The following OPHN1 variants were observed in gnomAD, a reference collection of about 807,000 sequenced individuals.
OPHN1 encodes the protein oligophrenin-1.
In OPHN1, 11 loss-of-function variants were observed where a neutral mutation model predicts 60.7. The observed-to-expected ratio is 0.18, with a 90% CI of 0.11 to 0.30. OPHN1 has a LOEUF of 0.30. Ranked by LOEUF, OPHN1 falls within the 10% of genes least tolerant of loss-of-function variation. The probability of loss-of-function intolerance (pLI) is 1.00; values close to 1 mark genes in which losing one functional copy is unlikely to be tolerated. For synonymous variants in OPHN1, 226 were observed against 222.6 expected (o/e 1.02, Z -0.14); for missense variants, 449 against 611.0 (o/e 0.73, Z 2.80).
chrX:68,242,214 C>CAAAAA (rs753856136), intron 5 of OPHN1, among the ~76,000 whole-genome samples: 3 of 23,974 alleles, frequency 1.3e-4, no homozygotes, highest in Non-Finnish European at 1.8e-4. Flanking sequence ...CCCATCTCTA[C>CAAAAA]AAAAAAAAAA....
intron 5 of OPHN1, among the ~76,000 whole-genome samples, chrX:68,248,357 T>C (rs937111178): frequency 1.8e-5 from 2 of 110,849 alleles, no homozygotes; most frequent in African/African-American, 3.3e-5. Flanking sequence ...CTCAACATCA[T>C]TGATCAAAGC....
At chrX:68,419,926 T>C (rs1465389624) in intron 2 of OPHN1, among the ~76,000 whole-genome samples, 1 of 111,327 alleles carries the variant, frequency 9.0e-6, no homozygotes, top group Non-Finnish European at 1.9e-5. Flanking sequence ...ATCACCAATA[T>C]GCATCTTCCC....
intron 2 of OPHN1, among the ~76,000 whole-genome samples, chrX:68,428,720 T>G (rs1172440165): frequency 8.9e-6 from 1 of 112,343 alleles, no homozygotes; most frequent in Non-Finnish European, 1.9e-5. Flanking sequence ...TTCTGAATAA[T>G]GCCTAGCCTC....
At chrX:68,335,044 C>T (rs1416053419) in intron 2 of OPHN1, among the ~76,000 whole-genome samples, 1 of 109,584 alleles carries the variant, frequency 9.1e-6, no homozygotes, top group Admixed American at 1.0e-4. Flanking sequence ...TTGTACTTCC[C>T]TTGCTCACAA....
In OPHN1 at chrX:68,111,845, G is replaced by A. The variant is rs962239061; in HGVS notation, c.1526+9C>T. On this transcript the variant is annotated intron_variant, in intron 18 of 24. Coordinates refer to ENST00000355520, the MANE Select transcript of OPHN1 (RefSeq NM_002547.3). ...AGGAACTTTTTCTGAAAATCCAGCA[G>A]TTACTTACTTGACCAAGTGTCTTAT... 4.3e-5 allele frequency: 50 copies of A among 1,156,373 alleles called. No individual in the cohort carries two copies. Among genetic ancestry groups the A allele is most frequent in the Non-Finnish European group, 5.8e-5 (49 of 846,910 alleles).
chrX:68,291,307 T>C (rs1383900907), intron 3 of OPHN1, among the ~76,000 whole-genome samples: 1 of 112,099 alleles, frequency 8.9e-6, no homozygotes, highest in East Asian at 2.8e-4. Flanking sequence ...TGCCAAATGA[T>C]GCTCCTGAGA....
At chrX:68,167,924 C>T (rs1163998641) in intron 15 of OPHN1, among the ~76,000 whole-genome samples, 1 of 110,996 alleles carries the variant, frequency 9.0e-6, no homozygotes. Flanking sequence ...TCATTAGCTG[C>T]AACCTGGATG....
At chrX:68,124,403 A>C (rs2077161961) in intron 15 of OPHN1, among the ~76,000 whole-genome samples, 1 of 111,245 alleles carries the variant, frequency 9.0e-6, no homozygotes, top group Non-Finnish European at 1.9e-5. Flanking sequence ...CCAAACATAT[A>C]AATATTATTA....
At chrX:68,138,325 T>C (rs928558923) in intron 15 of OPHN1, among the ~76,000 whole-genome samples, 4 of 112,429 alleles carry the variant, frequency 3.6e-5, no homozygotes, top group Non-Finnish European at 5.6e-5. Flanking sequence ...ACATGTATAT[T>C]TCAAGGAAGA....
At chrX:68,091,614 T>C (rs1385524659) in intron 19 of OPHN1, among the ~76,000 whole-genome samples, 1 of 110,802 alleles carries the variant, frequency 9.0e-6, no homozygotes, top group Non-Finnish European at 1.9e-5. Context: ...CCCTTTCCAG[T>C]TCTAAAATTC....
At chrX:68,057,031 G>T (rs960333991) in intron 21 of OPHN1, among the ~76,000 whole-genome samples, 19 of 111,351 alleles carry the variant, frequency 1.7e-4, no homozygotes, top group Non-Finnish European at 3.0e-4. Context: ...TTCAACACTG[G>T]CCACAATCTT....
intron 15 of OPHN1, among the ~76,000 whole-genome samples, chrX:68,186,037 A>G (rs1053249931): frequency 9.0e-6 from 1 of 111,644 alleles, no homozygotes; most frequent in African/African-American, 3.3e-5. Flanking sequence ...CCAGTTGCCT[A>G]TACTGCTTCA....
intron 11 of OPHN1, among the ~76,000 whole-genome samples, chrX:68,198,072 G>A (rs1367317970): frequency 1.8e-5 from 2 of 110,858 alleles, no homozygotes; most frequent in Non-Finnish European, 3.8e-5. Context: ...ACACGGCTTC[G>A]AACCCTGTTT....
At chrX:68,195,867 G>C (rs2077510941) in intron 12 of OPHN1, among the ~76,000 whole-genome samples, 1 of 111,730 alleles carries the variant, frequency 9.0e-6, no homozygotes, top group Non-Finnish European at 1.9e-5. Context: ...ACATTCAGTG[G>C]GCCCATGTGC....
At chrX:68,077,202 A>C (rs1207451749) in intron 19 of OPHN1, among the ~76,000 whole-genome samples, 3 of 111,963 alleles carry the variant, frequency 2.7e-5, no homozygotes, top group Non-Finnish European at 3.8e-5. Context: ...CTAAACTGAC[A>C]AAGAAGTGGG....
intron 5 of OPHN1, among the ~76,000 whole-genome samples, chrX:68,255,788 AC>A (rs1202630264): frequency 7.2e-5 from 8 of 110,545 alleles, no homozygotes; most frequent in Admixed American, 1.9e-4. Flanking sequence ...TCTTTGAAGA[AC>A]CCTAAGACAT....
At chrX:68,239,573 C>G (rs2077770648) in intron 5 of OPHN1, among the ~76,000 whole-genome samples, 2 of 110,842 alleles carry the variant, frequency 1.8e-5, no homozygotes, top group Admixed American at 1.9e-4. Context: ...ATCACATTTA[C>G]TGGTTACTTA....
chrX:68,106,501 C>T (rs1001652679), intron 18 of OPHN1, among the ~76,000 whole-genome samples: 3 of 111,325 alleles, frequency 2.7e-5, no homozygotes, highest in Admixed American at 9.6e-5. Flanking sequence ...AGTCTTTTTT[C>T]GTCTGCCTGC....
At position 68,288,777 on chromosome X, in the gene OPHN1, AAAAAGAAAAAAAAGAC is replaced by A. The variant is rs1337977077; in HGVS notation, c.251-5676_251-5661del. Among the ~76,000 whole-genome samples, 3 of 111,424 alleles carry A rather than the reference AAAAAGAAAAAAAAGAC, an allele frequency of 2.7e-5. No homozygotes were observed. In the Admixed American group the frequency reaches 2.9e-4, roughly 11 times the overall value. On this transcript the variant is annotated intron_variant, in intron 3 of 24. Transcript: ENST00000355520. The stretch of plus-strand genomic sequence containing the variant: ...GAAACTTCATCTCAAAAAGAAAAAG[AAAAAGAAAAAAAAGAC>A]AAAAGAAAAAGGCAAAAGCGGAAGG...
Sources: gnomAD v4.1 joint callset for allele counts (sites outside exome capture counted in the v4.1 genomes callset) on GRCh38, gnomAD v4.1.1 for gene constraint, MANE v1.5 for transcripts, NCBI Gene and HGNC (gene_info 2026-07-23, HGNC 2026-07-21) for gene names.